The following ARNT2 variants were observed in gnomAD, a reference collection of about 807,000 sequenced individuals.
ARNT2 encodes the protein ARNT protein 2.
ARNT2 carries 36 observed loss-of-function variants against 91.7 expected under a neutral mutation model. The ratio of observed to expected loss-of-function variants is 0.39; its 90% CI spans 0.30 to 0.52. The LOEUF (loss-of-function observed/expected upper bound fraction) is 0.52, where lower values mean the gene tolerates loss of function less well. Among genes scored for constraint, ARNT2 ranks in the 20% least tolerant of loss-of-function variants. The pLI is 0.72. For missense variants in ARNT2, 775 were observed against 939.3 expected (o/e 0.83, Z 2.29); for synonymous variants, 365 against 347.1 (o/e 1.05, Z -0.57).
chr15:80,441,208 T>C (rs1391895981), intron 1 of ARNT2: 1 of 985,056 alleles, frequency 1.0e-6, no homozygotes, highest in African/African-American at 1.7e-5. Flanking sequence ...GGCTGAATCA[T>C]GGTCCACAGT....
intron 11 of ARNT2, among the ~76,000 whole-genome samples, chr15:80,562,645 T>C (rs533071551): frequency 2.0e-4 from 30 of 152,304 alleles, no homozygotes; most frequent in Non-Finnish European, 3.8e-4. Flanking sequence ...GCATCTTGTA[T>C]GTTGCCGTAC....
chr15:80,423,832 C>G (rs1895896104), intron 1 of ARNT2, among the ~76,000 whole-genome samples: 1 of 151,618 alleles, frequency 6.6e-6, no homozygotes, highest in Admixed American at 6.6e-5. Context: ...TCTTTCAGCT[C>G]CAAAGACAGA....
chr15:80,580,705 C>T, intron 16 of ARNT2, 156 bp downstream of exon 16: 1 of 973,078 alleles, frequency 1.0e-6, no homozygotes, highest in Non-Finnish European at 1.5e-6. Context: ...ACCATCCACC[C>T]TCAGGGCTCT....
chr15:80,435,376 G>C (rs1332746095), intron 1 of ARNT2, among the ~76,000 whole-genome samples: 2 of 152,182 alleles, frequency 1.3e-5, no homozygotes, highest in Admixed American at 6.5e-5. Context: ...ACTTCCTCCT[G>C]AGAAGAGCCG....
chr15:80,470,341 C>G lies in ARNT2; in HGVS notation c.318C>G (p.Leu106=). ...LARKPDKLTI[L]RMAVSHMKSM... ...GGAAGCCAGACAAGCTCACCATCCT[C>G]CGCATGGCCGTCTCGCACATGAAGT... Residue 106 remains leucine, a synonymous_variant, in exon 4 of 19, where the codon CTC becomes CTG. Transcript: ENST00000303329. 1.2e-6 allele frequency: 2 copies of G among 1,614,218 alleles called. No individual in the cohort carries two copies. Among genetic ancestry groups the G allele is most frequent in the Non-Finnish European group, 1.7e-6 (2 of 1,180,036 alleles).
At chr15:80,578,412 G>A (rs1001763369) in intron 15 of ARNT2, among the ~76,000 whole-genome samples, 1 of 151,928 alleles carries the variant, frequency 6.6e-6, no homozygotes, top group Non-Finnish European at 1.5e-5. Flanking sequence ...GGATGACCAC[G>A]TTGTTCTATG....
chr15:80,471,171 T>A (rs530594891), intron 4 of ARNT2, among the ~76,000 whole-genome samples: 1 of 152,356 alleles, frequency 6.6e-6, no homozygotes, highest in South Asian at 2.1e-4. Flanking sequence ...ATGTGGTACA[T>A]ATACACCATA....
Position 80,597,034 on chromosome 15 carries a change from G to T in ARNT2, c.*3336G>T. 2.3e-6 allele frequency: 1 copy of T among 435,280 alleles called. No homozygotes were observed. The highest frequency in any genetic ancestry group is 1.7e-5 in the South Asian group (1 of 57,846). The allele number at this position is 435,280 out of a possible 1,614,324, so 27.0% of individuals were successfully genotyped here. A position where few individuals can be genotyped will look rare whatever the true frequency, so the allele number is the denominator to read the frequency against. ...CTACACTGTTGTTATTTCATGAGAC[G>T]TGAATGTTGCAGAGAGTGGGGGGAT... is the stretch of plus-strand genomic sequence containing the variant. On this transcript the variant is annotated 3_prime_UTR_variant, in exon 19 of 19. Transcript: ENST00000303329.
chr15:80,504,483 A>C (rs1897243978), intron 5 of ARNT2, among the ~76,000 whole-genome samples: 1 of 151,744 alleles, frequency 6.6e-6, no homozygotes, highest in Non-Finnish European at 1.5e-5. Flanking sequence ...AAAAAGTAGA[A>C]GTCAGCTAAG....
intron 8 of ARNT2, among the ~76,000 whole-genome samples, chr15:80,542,771 A>G (rs1412703587): frequency 6.6e-6 from 1 of 152,204 alleles, no homozygotes; most frequent in African/African-American, 2.4e-5. Flanking sequence ...TCCAAAGGAT[A>G]GGACTGAGAA....
At chr15:80,556,906 C>T (rs1406057587) in intron 11 of ARNT2, 1 of 152,108 alleles carries the variant, frequency 6.6e-6, no homozygotes, top group Non-Finnish European at 1.5e-5. Flanking sequence ...CTCCTCTCTC[C>T]ACAGGGCTCT....
At chr15:80,422,504 T>A (rs1895873573) in intron 1 of ARNT2, among the ~76,000 whole-genome samples, 1 of 152,314 alleles carries the variant, frequency 6.6e-6, no homozygotes, top group Non-Finnish European at 1.5e-5. Flanking sequence ...TAAAACATTT[T>A]TAGATAAAAA....
At chr15:80,593,507 TGAG>T in intron 18 of ARNT2, 90 bp from the exon 19 acceptor site, 2 of 1,008,022 alleles carry the variant, frequency 2.0e-6, no homozygotes, top group Non-Finnish European at 2.9e-6. Context: ...GGGATGGCCA[TGAG>T]GGTGAGTGCA....
chr15:80,448,744 G>C (rs541613351), intron 1 of ARNT2, among the ~76,000 whole-genome samples: 62 of 152,314 alleles, frequency 4.1e-4, no homozygotes, highest in African/African-American at 1.2e-3. Context: ...AGCACTTTGG[G>C]AGGCCGAGGT....
intron 1 of ARNT2, among the ~76,000 whole-genome samples, chr15:80,418,935 G>A (rs182217934): frequency 6.6e-6 from 1 of 152,190 alleles, no homozygotes; most frequent in East Asian, 1.9e-4. Context: ...CGGTGCTTAG[G>A]TGCTGGGAAT....
intron 17 of ARNT2, among the ~76,000 whole-genome samples, chr15:80,585,532 C>T (rs1898880524): frequency 6.6e-6 from 1 of 152,180 alleles, no homozygotes; most frequent in African/African-American, 2.4e-5. Context: ...GAGGAGACCC[C>T]ACCCCACAAA....
In ARNT2 at chr15:80,594,586, C is replaced by T. The variant is rs1351837213; in HGVS notation, c.*888C>T. On this transcript the variant is annotated 3_prime_UTR_variant, in exon 19 of 19. Transcript: ENST00000303329. ...GCTCCTCCTCTTAGAGGAAGCAGCT[C>T]CTTCCTCCCACAGGAGCCCCAAGGG... 1 of 152,306 alleles carries T rather than the reference C, an allele frequency of 6.6e-6. No homozygotes were observed. The highest frequency in any genetic ancestry group is 1.5e-5 in the Non-Finnish European group (1 of 68,178). The allele number at this position is 152,306 out of a possible 1,614,324, so 9.4% of individuals were successfully genotyped here.
chr15:80,542,550 T>C (rs1378077400), intron 8 of ARNT2, among the ~76,000 whole-genome samples: 1 of 152,224 alleles, frequency 6.6e-6, no homozygotes, highest in Non-Finnish European at 1.5e-5. Context: ...TCACTTCCAC[T>C]GTATTTTATT....
chr15:80,439,517 C>T (rs1232254895), intron 1 of ARNT2, among the ~76,000 whole-genome samples: 1 of 152,194 alleles, frequency 6.6e-6, no homozygotes, highest in East Asian at 1.9e-4. Flanking sequence ...GTATCCTGCT[C>T]CATTAACTTA....
Sources: gnomAD v4.1 joint callset for allele counts (sites outside exome capture counted in the v4.1 genomes callset) on GRCh38, gnomAD v4.1.1 for gene constraint, MANE v1.5 for transcripts, NCBI Gene and HGNC (gene_info 2026-07-23, HGNC 2026-07-21) for gene names.